The following AK8 variants were observed in gnomAD, a reference collection of about 807,000 sequenced individuals.
AK8 encodes ATP-AMP transphosphorylase 8.
Under a neutral mutation model 54.6 loss-of-function variants are expected in AK8, and 44 were observed. That is an observed-to-expected ratio of 0.81 (90% CI 0.63 to 1.04). The LOEUF (loss-of-function observed/expected upper bound fraction) is 1.04. AK8 is among the 50% of genes least tolerant of loss of function. The pLI is 0.00. For missense variants in AK8, 555 were observed against 613.6 expected (o/e 0.90, Z 1.01); for synonymous variants, 239 against 245.6 (o/e 0.97, Z 0.25).
intron 11 of AK8, among the ~76,000 whole-genome samples, chr9:132,771,264 C>T (rs953155831): frequency 1.3e-5 from 2 of 152,172 alleles, no homozygotes; most frequent in African/African-American, 4.8e-5. Context: ...CAGCCCAGGG[C>T]CTGGCCCTCC....
At chr9:132,760,043 C>G (rs1232429449) in intron 11 of AK8, among the ~76,000 whole-genome samples, 2 of 152,136 alleles carry the variant, frequency 1.3e-5, no homozygotes, top group African/African-American at 4.8e-5. Flanking sequence ...TATTAGCGTC[C>G]CTAACCATGA....
At chr9:132,811,838 C>A (rs182506091) in intron 10 of AK8, among the ~76,000 whole-genome samples, 1 of 152,212 alleles carries the variant, frequency 6.6e-6, no homozygotes, top group East Asian at 1.9e-4. Flanking sequence ...TGAAGGACTG[C>A]AAATCTGGAA....
intron 5 of AK8, among the ~76,000 whole-genome samples, chr9:132,850,789 C>T (rs978406571): frequency 1.3e-5 from 2 of 152,112 alleles, no homozygotes; most frequent in African/African-American, 4.8e-5. Flanking sequence ...CTGCCTTGGC[C>T]TCCCAAAGTG....
At chr9:132,833,672 A>G (rs1014989083) in intron 5 of AK8, among the ~76,000 whole-genome samples, 2 of 152,132 alleles carry the variant, frequency 1.3e-5, no homozygotes, top group Admixed American at 6.5e-5. Flanking sequence ...CACAGCTGCG[A>G]GGGGTATGGT....
At chr9:132,878,294 G>T (rs202015632), upstream of AK8, 566 of 1,329,526 alleles carry the variant, frequency 4.3e-4, 2 homozygotes, top group East Asian at 5.1e-4. The surrounding 1 kb of genome is among the most constrained non-coding windows in gnomAD (Gnocchi z 4.7). Context: ...TAACCGCGTC[G>T]CTAGGGCCGC....
rs774386934 is a variant in AK8, at chr9:132,854,925, T to C, written c.334A>G (p.Thr112Ala). 1 of 1,613,920 alleles carries C rather than the reference T, an allele frequency of 6.2e-7. No individual in the cohort carries two copies. The highest frequency in any genetic ancestry group is 8.5e-7 in the Non-Finnish European group (1 of 1,179,940). The change falls in exon 5 of 13, where the codon ACA becomes GCA. Residue 112 changes from threonine (T) to alanine (A), a missense_variant and splice_region_variant. By Grantham distance (58) the Thr-to-Ala change is moderately conservative. Coordinates refer to ENST00000298545, the MANE Select transcript of AK8 (RefSeq NM_152572.3). The stretch of plus-strand genomic sequence containing the variant: ...TGGACGAGCAGCGCGCTGGGAACTG[T>C]CTGAAGGAAAAAGGACACACAGAAT... ...EARRLYLQRKTVPSALLVQLI... is the reference protein window; with the variant it reads ...EARRLYLQRKAVPSALLVQLI...
intron 4 of AK8, among the ~76,000 whole-genome samples, chr9:132,857,823 A>G (rs961517778): frequency 1.3e-5 from 2 of 152,106 alleles, no homozygotes; most frequent in Non-Finnish European, 2.9e-5. Flanking sequence ...CTTTGAGCGC[A>G]GCTACTCCTG....
intron 10 of AK8, among the ~76,000 whole-genome samples, chr9:132,796,814 CACAG>C (rs1479192999): frequency 7.6e-6 from 1 of 131,448 alleles, no homozygotes; most frequent in African/African-American, 2.8e-5. Context: ...CACACACACA[CACAG>C]AGGGAGGGGG....
At chr9:132,827,989 G>A (rs1249869923) in intron 7 of AK8, 24 bp downstream of exon 7, 1 of 1,553,874 alleles carries the variant, frequency 6.4e-7, no homozygotes, top group East Asian at 2.4e-5. Flanking sequence ...CCATGGGGCT[G>A]GGTGGGGGTG....
chr9:132,858,091 G>T (rs1034908987), intron 4 of AK8, among the ~76,000 whole-genome samples: 2 of 152,188 alleles, frequency 1.3e-5, no homozygotes, highest in Admixed American at 6.5e-5. Context: ...CCCGACTCAG[G>T]CCCCTGGCCC....
chr9:132,824,294 A>C (rs1401612128), intron 8 of AK8, among the ~76,000 whole-genome samples: 1 of 152,228 alleles, frequency 6.6e-6, no homozygotes, highest in Non-Finnish European at 1.5e-5. Context: ...ATCCTTCCCC[A>C]GGGAGACCTT....
rs1422122698 is a variant in AK8 at position 132,770,891 on chromosome 9, G to A, written c.1121+21743C>T. On this transcript the variant is annotated intron_variant, in intron 11 of 12. Coordinates refer to ENST00000298545, the MANE Select transcript of AK8 (RefSeq NM_152572.3). The surrounding 1 kb of genome is among the most constrained non-coding windows in gnomAD (Gnocchi z 4.3). ...AGCGGTGTGGGCCTCCCCAGTCAGGGAGATGCTTCCCCCATCTCATCTCAG... is the reference window on the plus strand; with the variant it reads ...AGCGGTGTGGGCCTCCCCAGTCAGGAAGATGCTTCCCCCATCTCATCTCAG... Among the ~76,000 whole-genome samples, 2 of 152,164 alleles carry A rather than the reference G, an allele frequency of 1.3e-5. No homozygotes were observed. The highest frequency in any genetic ancestry group is 6.5e-5 in the Admixed American group (1 of 15,284).
intron 2 of AK8, among the ~76,000 whole-genome samples, chr9:132,873,924 G>C (rs913546760): frequency 6.6e-6 from 1 of 152,186 alleles, no homozygotes; most frequent in Non-Finnish European, 1.5e-5. Context: ...CAGCCAACCA[G>C]AGAAAGGAGG....
intron 5 of AK8, among the ~76,000 whole-genome samples, chr9:132,831,306 C>A (rs1012022889): frequency 7.1e-6 from 1 of 140,558 alleles, no homozygotes; most frequent in Non-Finnish European, 1.6e-5. Context: ...GATCAATTCA[C>A]GACAAATTGA....
intron 11 of AK8, among the ~76,000 whole-genome samples, chr9:132,749,600 C>T (rs1424606400): frequency 2.6e-5 from 4 of 152,002 alleles, no homozygotes; most frequent in East Asian, 1.9e-4. Context: ...CAGAAGAACT[C>T]GCGACTCACA....
chr9:132,878,094 C>T lies in AK8; in HGVS notation c.84+78G>A, dbSNP rs1355630493. On this transcript the variant is annotated intron_variant, in intron 1 of 12. Transcript: ENST00000298545. The surrounding 1 kb of genome is among the most constrained non-coding windows in gnomAD (Gnocchi z 4.7). ...GCGCGACTCGGCCCCAGCTGCGGGT[C>T]CCGGCCGCGCACCCGACGTCGCAGT... is the stretch of plus-strand genomic sequence containing the variant. 3.9e-6 allele frequency: 6 copies of T among 1,536,712 alleles called. No homozygotes were observed. Among genetic ancestry groups the T allele is most frequent in the Admixed American group, 4.0e-5 (2 of 49,784 alleles).
intron 3 of AK8, among the ~76,000 whole-genome samples, chr9:132,866,668 T>C (rs559545481): frequency 2.4e-4 from 37 of 152,334 alleles, no homozygotes; most frequent in African/African-American, 8.2e-4. Flanking sequence ...GGAAGGTGTC[T>C]CCGAGCATGC....
chr9:132,770,380 G>A lies in AK8; in HGVS notation c.1121+22254C>T, dbSNP rs1167156419. ...TGAGGACCGCGCTCGATGGCGTCCAGGGGCCTCTGGGTTTGACTTTCATGG... is the reference window on the plus strand; with the variant it reads ...TGAGGACCGCGCTCGATGGCGTCCAAGGGCCTCTGGGTTTGACTTTCATGG... On this transcript the variant is annotated intron_variant, in intron 11 of 12. Coordinates refer to ENST00000298545, the MANE Select transcript of AK8 (RefSeq NM_152572.3). This position sits in a 1 kb window ranked among gnomAD's most constrained non-coding sequence, Gnocchi z 4.3. 1.3e-5 allele frequency among the ~76,000 whole-genome samples: 2 copies of A among 152,206 alleles called. No individual in the cohort carries two copies. Among genetic ancestry groups the A allele is most frequent in the Non-Finnish European group, 2.9e-5 (2 of 68,032 alleles).
At chr9:132,750,221 C>T (rs74336249) in intron 11 of AK8, among the ~76,000 whole-genome samples, 2,955 of 151,918 alleles carry the variant, frequency 0.019, 73 homozygotes, top group Non-Finnish European at 0.023. Flanking sequence ...TGGGTTCAAG[C>T]GATTCTCCTG....
Sources: allele counts gnomAD v4.1 joint callset (sites outside exome capture counted in the v4.1 genomes callset), GRCh38; gene constraint gnomAD v4.1.1; non-coding constraint Gnocchi (gnomAD v3.1); transcripts MANE v1.5; gene names NCBI Gene and HGNC (gene_info 2026-07-23, HGNC 2026-07-21).